Variants in NPY2R observed in about 807,000 individuals in gnomAD.
NPY2R encodes neuropeptide Y receptor type 2.
Under a neutral mutation model 22.3 loss-of-function variants are expected in NPY2R, and 17 were observed. The observed-to-expected ratio is 0.76, with a 90% CI of 0.52 to 1.14. The LOEUF is 1.14. NPY2R is among the 50% of genes most tolerant of loss of function. NPY2R has a pLI of 0.00. For synonymous variants in NPY2R, 209 were observed against 183.4 expected, an observed-to-expected ratio of 1.14 and a Z score of -1.13; for missense variants, 424 against 467.9, an observed-to-expected ratio of 0.91 and a Z score of 0.87.
chr4:155,179,039 C>T, the NPY2R span, among the ~76,000 whole-genome samples: 1 of 152,080 alleles, frequency 6.6e-6, no homozygotes, highest in Non-Finnish European at 1.5e-5. Flanking sequence ...GACCAATTTG[C>T]TGGTAATTTC....
chr4:155,197,973 C>T, the NPY2R span, among the ~76,000 whole-genome samples: 28,761 of 151,976 alleles, frequency 0.19, 3,437 homozygotes, highest in East Asian at 0.43. Context: ...TTTCCTCTTC[C>T]TCTCTGACTT....
At chr4:155,193,987 GAC>G in the NPY2R span, among the ~76,000 whole-genome samples, 1 of 151,922 alleles carries the variant, frequency 6.6e-6, no homozygotes, top group Non-Finnish European at 1.5e-5. Flanking sequence ...GTCAAAGAGA[GAC>G]ACACAGGACT....
At chr4:155,176,984 A>G in the NPY2R span, among the ~76,000 whole-genome samples, 1 of 152,122 alleles carries the variant, frequency 6.6e-6, no homozygotes. Flanking sequence ...ATCACTTCCT[A>G]GAAGGCCCCA....
chr4:155,198,561 A>AATATATTTGATATATATAATAT, the NPY2R span, among the ~76,000 whole-genome samples: 9 of 131,810 alleles, frequency 6.8e-5, no homozygotes, highest in South Asian at 7.2e-4. Flanking sequence ...ATAAATATAT[A>AATATATTTGATATATATAATAT]ATATATTTGA....
the NPY2R span, among the ~76,000 whole-genome samples, chr4:155,179,429 T>C: frequency 6.6e-6 from 1 of 152,196 alleles, no homozygotes; most frequent in African/African-American, 2.4e-5. Context: ...GTTTGATTCA[T>C]TTGAGGCTTG....
chr4:155,183,080 A>C, the NPY2R span, among the ~76,000 whole-genome samples: 1 of 152,160 alleles, frequency 6.6e-6, no homozygotes. Flanking sequence ...GGCATGAGCC[A>C]CCATGCCCAG....
the NPY2R span, among the ~76,000 whole-genome samples, chr4:155,185,060 G>A: frequency 1.4e-5 from 2 of 138,184 alleles, no homozygotes; most frequent in African/African-American, 2.7e-5. Context: ...TTTTTCCTGA[G>A]ATGGAGTCTC....
rs554888119 is a variant in NPY2R at position 155,214,809 on chromosome 4, C to T, written c.870C>T (p.Ala290=). Residue 290 remains alanine, a synonymous_variant, in exon 2 of 2, where the codon GCC becomes GCT. Transcript: ENST00000329476. ...TGCCTCTCCATGCCTTCCAGCTTGC[C>T]GTTGACATTGACAGCCAGGTCCTGG... is the stretch of plus-strand genomic sequence containing the variant. ...SWLPLHAFQL[A]VDIDSQVLDL... 32 of 1,612,128 alleles carry T rather than the reference C, an allele frequency of 2.0e-5. No homozygotes were observed. Among genetic ancestry groups the T allele is most frequent in the Middle Eastern group, 1.6e-4 (1 of 6,064 alleles).
the NPY2R span, among the ~76,000 whole-genome samples, chr4:155,183,897 T>C: frequency 6.6e-5 from 10 of 152,166 alleles, no homozygotes; most frequent in African/African-American, 2.2e-4. Flanking sequence ...CAAACCTATA[T>C]ACTAAGCAAA....
the NPY2R span, among the ~76,000 whole-genome samples, chr4:155,174,484 A>ATATATTTT: frequency 1.5e-3 from 162 of 106,064 alleles, no homozygotes; most frequent in Middle Eastern, 8.8e-3. Flanking sequence ...ATATATATAT[A>ATATATTTT]TTTTTTTTTT....
At chr4:155,179,821 G>T in the NPY2R span, among the ~76,000 whole-genome samples, 1 of 151,730 alleles carries the variant, frequency 6.6e-6, no homozygotes, top group African/African-American at 2.4e-5. Context: ...CCTAAGATCT[G>T]GTCTCCATCT....
intron 1 of NPY2R, 124 bp from the exon 2 acceptor site, chr4:155,213,767 AT>A: frequency 1.6e-6 from 1 of 640,232 alleles, no homozygotes; most frequent in South Asian, 1.9e-5. Context: ...AGTAGAGGAT[AT>A]TTTGATCCCT....
chr4:155,177,359 A>G, the NPY2R span, among the ~76,000 whole-genome samples: 45 of 152,210 alleles, frequency 3.0e-4, no homozygotes, highest in Admixed American at 5.9e-4. Flanking sequence ...AAAGGGAGAA[A>G]TAAGCCAGAA....
chr4:155,175,590 T>C, the NPY2R span, among the ~76,000 whole-genome samples: 1 of 152,124 alleles, frequency 6.6e-6, no homozygotes, highest in Non-Finnish European at 1.5e-5. Context: ...TTAGTTGCAA[T>C]ATGCATATAA....
chr4:155,209,436 C>A (rs746505797), intron 1 of NPY2R, among the ~76,000 whole-genome samples: 2 of 152,178 alleles, frequency 1.3e-5, no homozygotes, highest in Non-Finnish European at 2.9e-5. Context: ...TTCATTTAAG[C>A]GTTTGCTCAT....
chr4:155,213,289 T>C (rs1729442521), intron 1 of NPY2R, among the ~76,000 whole-genome samples: 1 of 152,168 alleles, frequency 6.6e-6, no homozygotes, highest in African/African-American at 2.4e-5. Flanking sequence ...GAAATTAAAT[T>C]TTAAAAAAGT....
At chr4:155,177,375 G>T in the NPY2R span, among the ~76,000 whole-genome samples, 1 of 152,148 alleles carries the variant, frequency 6.6e-6, no homozygotes, top group Non-Finnish European at 1.5e-5. Context: ...CAGAAGAAAG[G>T]GCTAATGGGT....
the NPY2R span, among the ~76,000 whole-genome samples, chr4:155,200,355 A>G: frequency 1.4e-5 from 2 of 147,786 alleles, no homozygotes; most frequent in Admixed American, 6.7e-5. Context: ...GTTAAGAAAC[A>G]ATAGATGCTG....
chr4:155,214,772 C>G lies in NPY2R; in HGVS notation c.833C>G (p.Ala278Gly). Reference protein sequence around the residue: ...KMLVCVVVVFAVSWLPLHAFQ... With the variant: ...KMLVCVVVVFGVSWLPLHAFQ... ...CTGGTGTGTGTGGTGGTGGTGTTTGCGGTCAGCTGGCTGCCTCTCCATGCC... is the reference window on the plus strand; with the variant it reads ...CTGGTGTGTGTGGTGGTGGTGTTTGGGGTCAGCTGGCTGCCTCTCCATGCC... The change falls in exon 2 of 2, where the codon GCG becomes GGG. Residue 278 changes from alanine (A) to glycine (G), a missense_variant. Physicochemically the swap from Ala to Gly is moderately conservative, Grantham distance 60. Coordinates refer to ENST00000329476, the MANE Select transcript of NPY2R (RefSeq NM_000910.4). The G allele has an allele frequency of 1.2e-6, 2 of 1,613,932 alleles. No individual in the cohort carries two copies.
Sources: allele counts gnomAD v4.1 joint callset (sites outside exome capture counted in the v4.1 genomes callset), GRCh38; gene constraint gnomAD v4.1.1; transcripts MANE v1.5; gene names NCBI Gene and HGNC (gene_info 2026-07-23, HGNC 2026-07-21).